TMEM132D: variants seen among roughly 807,000 people sequenced by gnomAD.
TMEM132D encodes the protein mature OL transmembrane protein.
A neutral mutation model predicts 62.3 loss-of-function variants in TMEM132D; 21 were observed. That is an observed-to-expected ratio of 0.34 (90% CI 0.24 to 0.49). The LOEUF (loss-of-function observed/expected upper bound fraction) is 0.49. TMEM132D is among the 20% of genes least tolerant of loss of function. The pLI is 0.99. For synonymous variants in TMEM132D, 621 were observed against 575.6 expected, an observed-to-expected ratio of 1.08 and a Z score of -1.13; for missense variants, 1,346 against 1,402.8, an observed-to-expected ratio of 0.96 and a Z score of 0.65.
intron 2 of TMEM132D, among the ~76,000 whole-genome samples, chr12:129,677,292 T>C (rs1880653860): frequency 1.3e-5 from 2 of 152,218 alleles, no homozygotes; most frequent in East Asian, 1.9e-4. Flanking sequence ...ACGAGGAGTT[T>C]CCCTCCACAA....
rs529680150 is a variant in TMEM132D at position 129,675,828 on chromosome 12, A to G, written c.968+23982T>C. Among the ~76,000 whole-genome samples the G allele has an allele frequency of 4.1e-4, 63 of 152,296 alleles. 1 individual carries two copies. The highest frequency in any genetic ancestry group is 1.5e-3 in the African/African-American group (61 of 41,560). ...CCAGTCCCAGATGTCAGTGGTGCCG[A>G]GGTTGAGAAGCCCTGTGCTGGGATG... On this transcript the variant is annotated intron_variant, in intron 2 of 8. Coordinates refer to ENST00000422113, the MANE Select transcript of TMEM132D (RefSeq NM_133448.3).
At chr12:129,773,387 G>A (rs544100993) in intron 1 of TMEM132D, among the ~76,000 whole-genome samples, 181 of 152,218 alleles carry the variant, frequency 1.2e-3, no homozygotes, top group Non-Finnish European at 2.2e-3. Flanking sequence ...ACAGATGAGC[G>A]GCAGGTAAGG....
chr12:129,241,679 A>T (rs1879941474), intron 4 of TMEM132D, among the ~76,000 whole-genome samples: 1 of 152,174 alleles, frequency 6.6e-6, no homozygotes, highest in South Asian at 2.1e-4. Context: ...CCTTCATAGC[A>T]CTTGTCATAG....
intron 4 of TMEM132D, among the ~76,000 whole-genome samples, chr12:129,337,094 G>A (rs1166572262): frequency 6.6e-6 from 1 of 152,130 alleles, no homozygotes; most frequent in Non-Finnish European, 1.5e-5. Context: ...AGTGTCACCG[G>A]GCAGCTGTCC....
At chr12:129,166,583 T>C (rs1398433537) in intron 5 of TMEM132D, among the ~76,000 whole-genome samples, 2 of 151,404 alleles carry the variant, frequency 1.3e-5, no homozygotes, top group Non-Finnish European at 2.9e-5. Context: ...AGAAACGAAG[T>C]CAAACCAAAT....
At chr12:129,166,684 CACAT>C (rs1465814392) in intron 5 of TMEM132D, among the ~76,000 whole-genome samples, 6 of 76,830 alleles carry the variant, frequency 7.8e-5, no homozygotes, top group African/African-American at 1.9e-4. Flanking sequence ...CATATATATA[CACAT>C]ACACACACAC....
chr12:129,739,681 C>G (rs532601088), intron 1 of TMEM132D, among the ~76,000 whole-genome samples: 2 of 152,314 alleles, frequency 1.3e-5, no homozygotes, highest in African/African-American at 4.8e-5. Flanking sequence ...CACGTTCATT[C>G]CTCAGAGGCC....
chr12:129,524,986 C>A (rs1308568646), intron 3 of TMEM132D, among the ~76,000 whole-genome samples: 2 of 117,298 alleles, frequency 1.7e-5, no homozygotes, highest in African/African-American at 6.8e-5. Flanking sequence ...AGTGCAGTGG[C>A]GCGATCTTGG....
At chr12:129,633,180 CT>C (rs966858559) in intron 2 of TMEM132D, among the ~76,000 whole-genome samples, 1 of 152,218 alleles carries the variant, frequency 6.6e-6, no homozygotes, top group African/African-American at 2.4e-5. Context: ...CATCTTCCCC[CT>C]GGATATGGTT....
chr12:129,873,973 C>A (rs559160076), intron 1 of TMEM132D, among the ~76,000 whole-genome samples: 1 of 152,284 alleles, frequency 6.6e-6, no homozygotes, highest in Admixed American at 6.5e-5. Context: ...ATCTTTGATT[C>A]CATGATCTAC....
At chr12:129,397,132 G>T (rs1185346566) in intron 3 of TMEM132D, among the ~76,000 whole-genome samples, 1 of 152,164 alleles carries the variant, frequency 6.6e-6, no homozygotes, top group East Asian at 1.9e-4. Flanking sequence ...CTGTTTTTCT[G>T]GTTCAAAGAT....
At chr12:129,524,156 C>T (rs1875940064) in intron 3 of TMEM132D, among the ~76,000 whole-genome samples, 1 of 151,690 alleles carries the variant, frequency 6.6e-6, no homozygotes. Context: ...GGGTGCAGCA[C>T]ACCAGCATGG....
At chr12:129,539,587 C>A (rs377723658) in intron 2 of TMEM132D, among the ~76,000 whole-genome samples, 1 of 63,798 alleles carries the variant, frequency 1.6e-5, no homozygotes, top group Non-Finnish European at 3.7e-5. Flanking sequence ...TTTTTTTTTT[C>A]TTTTAGCAGA....
chr12:129,785,208 C>T (rs1018926851), intron 1 of TMEM132D, among the ~76,000 whole-genome samples: 1 of 152,106 alleles, frequency 6.6e-6, no homozygotes, highest in Non-Finnish European at 1.5e-5. Flanking sequence ...GCCAAGCAGA[C>T]AGCGCCCTGG....
At chr12:129,384,474 C>G (rs1871047001) in intron 3 of TMEM132D, among the ~76,000 whole-genome samples, 1 of 151,884 alleles carries the variant, frequency 6.6e-6, no homozygotes, top group South Asian at 2.1e-4. Context: ...TCAAGGTACT[C>G]CATGGTTCCT....
At chr12:129,769,176 C>T (rs1053042656) in intron 1 of TMEM132D, among the ~76,000 whole-genome samples, 7 of 152,068 alleles carry the variant, frequency 4.6e-5, no homozygotes, top group South Asian at 2.1e-4. Context: ...CCCTAGGTCC[C>T]GGTATTAGTC....
chr12:129,407,597 A>C (rs532788258), intron 3 of TMEM132D, among the ~76,000 whole-genome samples: 9 of 152,164 alleles, frequency 5.9e-5, no homozygotes, highest in African/African-American at 2.2e-4. Context: ...ATTTTTCTTA[A>C]TCTTTAAGTT....
chr12:129,793,073 CTT>C (rs34199090), intron 1 of TMEM132D, among the ~76,000 whole-genome samples: 11,377 of 140,940 alleles, frequency 0.081, 473 homozygotes, highest in East Asian at 0.12. Flanking sequence ...GCTTTTTATT[CTT>C]TTTTTTTTTT....
intron 3 of TMEM132D, among the ~76,000 whole-genome samples, chr12:129,407,697 G>A (rs1013854109): frequency 2.6e-5 from 4 of 151,852 alleles, no homozygotes; most frequent in Admixed American, 2.0e-4. Context: ...ATGAGGTCAG[G>A]AGATCGAGAC....
Sources: gnomAD v4.1 joint callset for allele counts (sites outside exome capture counted in the v4.1 genomes callset) on GRCh38, gnomAD v4.1.1 for gene constraint, MANE v1.5 for transcripts, NCBI Gene and HGNC (gene_info 2026-07-23, HGNC 2026-07-21) for gene names.